Variants in FRY observed in about 807,000 individuals in gnomAD.
FRY encodes protein furry homolog.
Under a neutral mutation model 348.4 loss-of-function variants are expected in FRY, and 128 were observed. The observed-to-expected ratio is 0.37, with a 90% CI of 0.32 to 0.43. FRY has a LOEUF of 0.43. Ranked by LOEUF, FRY falls within the 20% of genes least tolerant of loss-of-function variation. The pLI is 1.00. For synonymous variants in FRY, 1,370 were observed against 1,374.7 expected (o/e 1.00, Z 0.08); for missense variants, 2,736 against 3,695.2 (o/e 0.74, Z 6.73).
chr13:32,188,233 C>T (rs1262280901), intron 28 of FRY, among the ~76,000 whole-genome samples: 2 of 152,042 alleles, frequency 1.3e-5, no homozygotes, highest in Admixed American at 6.6e-5. Flanking sequence ...AGACATTTTT[C>T]GAAGTCTTTG....
chr13:32,187,678 T>C (rs1310080710), intron 28 of FRY, 22 bp downstream of exon 28: 3 of 1,298,748 alleles, frequency 2.3e-6, no homozygotes, highest in Non-Finnish European at 3.4e-6. Context: ...CAAAAATACA[T>C]TGTTTTTGAA....
At chr13:32,162,185 G>A (rs537435363) in intron 17 of FRY, among the ~76,000 whole-genome samples, 71 of 152,256 alleles carry the variant, frequency 4.7e-4, no homozygotes, top group African/African-American at 1.7e-3. Context: ...TTAAGCTGGC[G>A]AATAAGATGA....
chr13:32,124,223 T>C, intron 4 of FRY, 63 bp from the exon 5 acceptor site: 1 of 1,000,596 alleles, frequency 1.0e-6, no homozygotes, highest in Non-Finnish European at 1.6e-6. Flanking sequence ...AGATTTTTTA[T>C]GAATTGTATT....
rs77670093 is a variant in FRY at position 32,182,593 on chromosome 13, G to A, written c.2997-384G>A. 6.9e-3 allele frequency among the ~76,000 whole-genome samples: 1,047 copies of A among 152,306 alleles called. 15 individuals carry two copies. Among genetic ancestry groups the A allele is most frequent in the African/African-American group, 0.024 (1,006 of 41,564 alleles). ...AATTTTATTTATCTTGAGCTCCATA[G>A]CTTGCAGTAAAGTGCTTGAATTTAG... On this transcript the variant is annotated intron_variant, in intron 23 of 60. Transcript: ENST00000542859.
intron 25 of FRY, 54 bp downstream of exon 25, chr13:32,184,745 T>C: frequency 8.9e-7 from 1 of 1,124,132 alleles, no homozygotes; most frequent in Non-Finnish European, 1.4e-6. Flanking sequence ...GATCTTTTTG[T>C]TTTCTTTCTG....
rs535359859 is a variant in FRY at position 32,179,024 on chromosome 13, C to T, written c.2862C>T (p.Tyr954=). ...MATTPDGTVS[Y]DNKAIGTPSV... is the part of the protein sequence containing the mutation. ...CCACACCTGATGGTACAGTGAGCTA[C>T]GATAACAAGGTGACATGACATGCTT... The change falls in exon 22 of 61, where the codon TAC becomes TAT. Residue 954 remains tyrosine, a synonymous_variant. Transcript: ENST00000542859. 59 of 1,612,066 alleles carry T rather than the reference C, an allele frequency of 3.7e-5. No homozygotes were observed. The highest frequency in any genetic ancestry group is 4.5e-5 in the Non-Finnish European group (53 of 1,178,214).
At chr13:32,125,825 T>G (rs379486) in intron 7 of FRY, among the ~76,000 whole-genome samples, 1 of 151,938 alleles carries the variant, frequency 6.6e-6, no homozygotes. Flanking sequence ...ATATTTTTTT[T>G]AATATATAAC....
intron 48 of FRY, among the ~76,000 whole-genome samples, chr13:32,247,766 A>T (rs773484812): frequency 1.2e-4 from 18 of 152,222 alleles, no homozygotes; most frequent in Non-Finnish European, 2.2e-4. Context: ...AAATGGAACG[A>T]TCATAAGCAT....
At chr13:32,275,736 G>A (rs1170693638) in intron 56 of FRY, among the ~76,000 whole-genome samples, 1 of 152,208 alleles carries the variant, frequency 6.6e-6, no homozygotes, top group Non-Finnish European at 1.5e-5. Context: ...TTGCCCTCTG[G>A]ATTTGCCCAG....
chr13:32,064,524 A>G (rs1874128734), intron 1 of FRY, among the ~76,000 whole-genome samples: 1 of 152,166 alleles, frequency 6.6e-6, no homozygotes, highest in African/African-American at 2.4e-5. Context: ...GTGTGAAGCT[A>G]CGAGCCATGC....
intron 1 of FRY, among the ~76,000 whole-genome samples, chr13:32,057,331 C>G (rs763490746): frequency 8.3e-4 from 126 of 151,996 alleles, no homozygotes; most frequent in Non-Finnish European, 8.7e-4. Flanking sequence ...GCCACCACAC[C>G]TAGCTAAATT....
chr13:32,149,653 C>T (rs1249268994), intron 13 of FRY, 95 bp from the exon 14 acceptor site: 6 of 753,350 alleles, frequency 8.0e-6, no homozygotes, highest in African/African-American at 1.7e-5. Flanking sequence ...CTTTTAGCCA[C>T]CACCTGTTCG....
At chr13:32,211,166 G>A in intron 34 of FRY, 132 bp downstream of exon 34, 1 of 858,024 alleles carries the variant, frequency 1.2e-6, no homozygotes, top group Non-Finnish European at 1.9e-6. Flanking sequence ...TTAAGAGATG[G>A]CTTAAGAATA....
chr13:32,233,715 T>C (rs941967155), intron 41 of FRY, among the ~76,000 whole-genome samples: 2 of 152,316 alleles, frequency 1.3e-5, no homozygotes, highest in Admixed American at 6.5e-5. Context: ...GTAAAAAAAG[T>C]AGTACAGAAG....
intron 1 of FRY, among the ~76,000 whole-genome samples, chr13:32,075,958 C>T (rs574681861): frequency 6.6e-6 from 1 of 152,294 alleles, no homozygotes; most frequent in South Asian, 2.1e-4. Flanking sequence ...ATAGTTTTAT[C>T]TTTTTCAATA....
chr13:32,099,148 C>A (rs1042971715), intron 2 of FRY, among the ~76,000 whole-genome samples: 2 of 151,904 alleles, frequency 1.3e-5, no homozygotes, highest in Non-Finnish European at 2.9e-5. Context: ...TGCTAGGGAA[C>A]CTGCATTGGC....
intron 3 of FRY, among the ~76,000 whole-genome samples, chr13:32,111,775 G>A (rs1006521044): frequency 6.6e-6 from 1 of 152,178 alleles, no homozygotes; most frequent in East Asian, 1.9e-4. Context: ...TTTTCTCAGA[G>A]TGGTTGAGGA....
intron 40 of FRY, among the ~76,000 whole-genome samples, chr13:32,229,938 A>G (rs1405679933): frequency 6.6e-6 from 1 of 152,210 alleles, no homozygotes; most frequent in African/African-American, 2.4e-5. Context: ...AATTTTGTAA[A>G]TGAATTTAAT....
At chr13:32,062,852 CCAT>C (rs1053215555) in intron 1 of FRY, among the ~76,000 whole-genome samples, 7 of 151,756 alleles carry the variant, frequency 4.6e-5, no homozygotes, top group African/African-American at 1.7e-4. Flanking sequence ...TATATAGTTA[CCAT>C]ATGTATTTTA....
Sources: allele counts gnomAD v4.1 joint callset (sites outside exome capture counted in the v4.1 genomes callset), GRCh38; gene constraint gnomAD v4.1.1; transcripts MANE v1.5; gene names NCBI Gene and HGNC (gene_info 2026-07-23, HGNC 2026-07-21).